Variants in UGT1A6 observed in about 807,000 individuals in gnomAD.
UGT1A6 encodes the protein UDP glucuronosyltransferase family 1 member A6, also known as UDP-glucuronosyltransferase 1A6.
UGT1A6 carries 32 observed loss-of-function variants against 44.4 expected under a neutral mutation model. The observed-to-expected ratio is 0.72, with a 90% confidence interval of 0.54 to 0.97. The LOEUF is 0.97. Ranked by LOEUF, UGT1A6 falls within the 50% of genes least tolerant of loss-of-function variation. The probability of loss-of-function intolerance (pLI) is 0.00; values close to 1 mark genes in which losing one functional copy is unlikely to be tolerated. For missense variants in UGT1A6, 685 were observed against 661.9 expected (o/e 1.03, Z -0.38); for synonymous variants, 238 against 248.5 (o/e 0.96, Z 0.40).
intron 1 of UGT1A6, chr2:233,754,360 T>C (rs1695458970): frequency 2.1e-5 from 6 of 282,296 alleles, no homozygotes; most frequent in South Asian, 1.9e-4. Flanking sequence ...CATACAGATA[T>C]TTACAATGAT....
At chr2:233,765,903 C>A (rs906451235) in intron 1 of UGT1A6, among the ~76,000 whole-genome samples, 6 of 152,044 alleles carry the variant, frequency 3.9e-5, no homozygotes, top group African/African-American at 1.5e-4. Flanking sequence ...ACTGCTCAAA[C>A]CTCTAGGGGA....
intron 1 of UGT1A6, among the ~76,000 whole-genome samples, chr2:233,745,781 C>T (rs1693207389): frequency 6.7e-6 from 1 of 150,162 alleles, no homozygotes; most frequent in Non-Finnish European, 1.5e-5. Context: ...TGAGCTTAGA[C>T]AGGGGGGCTG....
At chr2:233,709,286 A>T (rs949787722) in intron 1 of UGT1A6, among the ~76,000 whole-genome samples, 3 of 152,102 alleles carry the variant, frequency 2.0e-5, no homozygotes, top group Admixed American at 2.0e-4. Context: ...TTACCCTTCA[A>T]TTAATGATAT....
At chr2:233,734,935 C>A (rs1354608889) in intron 1 of UGT1A6, among the ~76,000 whole-genome samples, 1 of 152,058 alleles carries the variant, frequency 6.6e-6, no homozygotes, top group African/African-American at 2.4e-5. Flanking sequence ...TACTTACAAT[C>A]ATATGGTCAG....
At chr2:233,763,328 G>T (rs1698281248) in intron 1 of UGT1A6, among the ~76,000 whole-genome samples, 1 of 152,072 alleles carries the variant, frequency 6.6e-6, no homozygotes, top group African/African-American at 2.4e-5. Context: ...TATTATTTTT[G>T]TTTACATTTC....
In UGT1A6 at chr2:233,750,001, G is replaced by A. The variant is rs1213744454; in HGVS notation, c.862-17033G>A. On this transcript the variant is annotated intron_variant, in intron 1 of 4. Coordinates refer to ENST00000305139, the MANE Select transcript of UGT1A6 (RefSeq NM_001072.4). ...TGAGAATGGACTAATATATTAAATTGGTGCCATGGAGAGTGGAGTACTGCT... is the reference window on the plus strand; with the variant it reads ...TGAGAATGGACTAATATATTAAATTAGTGCCATGGAGAGTGGAGTACTGCT... Among the ~76,000 whole-genome samples the A allele has an allele frequency of 7.9e-5, 12 of 151,794 alleles. 1 individual carries two copies. Among genetic ancestry groups the A allele is most frequent in the African/African-American group, 2.7e-4 (11 of 41,062 alleles).
At chr2:233,729,373 T>C (rs1160959644) in intron 1 of UGT1A6, 16 of 1,613,988 alleles carry the variant, frequency 9.9e-6, no homozygotes, top group Non-Finnish European at 1.3e-5. Context: ...CTATGCCATT[T>C]CGTGGACCCA....
chr2:233,751,259 G>T (rs1355908720), intron 1 of UGT1A6, among the ~76,000 whole-genome samples: 1 of 151,926 alleles, frequency 6.6e-6, no homozygotes, highest in Non-Finnish European at 1.5e-5. Context: ...GGGGCCTGTA[G>T]CCCCCTTTTT....
intron 1 of UGT1A6, among the ~76,000 whole-genome samples, chr2:233,732,611 G>A (rs570664429): frequency 1.3e-5 from 2 of 152,306 alleles, no homozygotes; most frequent in East Asian, 3.9e-4. Flanking sequence ...AGATCAAATG[G>A]TTGTAGATGT....
At chr2:233,715,946 TTGACTGAC>T (rs1026670441) in intron 1 of UGT1A6, among the ~76,000 whole-genome samples, 1 of 152,220 alleles carries the variant, frequency 6.6e-6, no homozygotes, top group African/African-American at 2.4e-5. Flanking sequence ...TTGTGGTTTG[TTGACTGAC>T]TGACTGATTG....
rs45619032 is a variant in UGT1A6, at chr2:233,765,042, C to T, written c.862-1992C>T. ...GGCAGGAGTCCTGCTGTGCAAATTG[C>T]GTTTGCTGAGCCCTGTCAGAGGTCT... On this transcript the variant is annotated intron_variant, in intron 1 of 4. Transcript: ENST00000305139. 6.1e-3 allele frequency among the ~76,000 whole-genome samples: 921 copies of T among 152,078 alleles called. 13 individuals carry two copies. Among genetic ancestry groups the T allele is most frequent in the African/African-American group, 0.021 (865 of 41,462 alleles).
intron 1 of UGT1A6, among the ~76,000 whole-genome samples, chr2:233,762,648 C>T (rs564771250): frequency 6.6e-6 from 1 of 151,468 alleles, no homozygotes; most frequent in African/African-American, 2.4e-5. Context: ...AAAAGATAAG[C>T]TATTTTGTAG....
intron 4 of UGT1A6, among the ~76,000 whole-genome samples, chr2:233,768,995 A>C (rs771127427): frequency 6.6e-6 from 1 of 152,124 alleles, no homozygotes; most frequent in Admixed American, 6.5e-5. Context: ...CCCCCATTAG[A>C]TTTAAAACTC....
At chr2:233,721,300 TA>T in intron 1 of UGT1A6, among the ~76,000 whole-genome samples, 1 of 152,206 alleles carries the variant, frequency 6.6e-6, no homozygotes, top group Non-Finnish European at 1.5e-5. Flanking sequence ...GGCATTTGAA[TA>T]GTGATTGTGG....
chr2:233,703,726 C>CT (rs958884874), intron 1 of UGT1A6, among the ~76,000 whole-genome samples: 15 of 151,578 alleles, frequency 9.9e-5, no homozygotes, highest in African/African-American at 2.2e-4. Context: ...TAAATATAAA[C>CT]TTTTTTTTGT....
chr2:233,706,305 G>A (rs916306818), intron 1 of UGT1A6, among the ~76,000 whole-genome samples: 1 of 152,206 alleles, frequency 6.6e-6, no homozygotes, highest in African/African-American at 2.4e-5. Context: ...GTACTATGTA[G>A]ATAGTGCCTT....
chr2:233,766,850 T>C (rs1248093383), intron 1 of UGT1A6, among the ~76,000 whole-genome samples, 184 bp from the exon 2 acceptor site: 1 of 152,222 alleles, frequency 6.6e-6, no homozygotes, highest in Non-Finnish European at 1.5e-5. Flanking sequence ...CTTCCTCCTT[T>C]AGAAGGAAGT....
At chr2:233,734,012 C>T (rs930293751) in intron 1 of UGT1A6, among the ~76,000 whole-genome samples, 5 of 151,904 alleles carry the variant, frequency 3.3e-5, no homozygotes, top group East Asian at 1.9e-4. Flanking sequence ...TGTTAAATGA[C>T]GAGTTAATGG....
chr2:233,767,255 G>T, intron 2 of UGT1A6, 90 bp downstream of exon 2: 2 of 1,596,758 alleles, frequency 1.3e-6, no homozygotes, highest in East Asian at 2.2e-5. Context: ...CTCTTAATTG[G>T]AACCTTAGAT....
Sources: gnomAD v4.1 joint callset for allele counts (sites outside exome capture counted in the v4.1 genomes callset) on GRCh38, gnomAD v4.1.1 for gene constraint, MANE v1.5 for transcripts, NCBI Gene and HGNC (gene_info 2026-07-23, HGNC 2026-07-21) for gene names.